TAF2: variants seen among roughly 807,000 people sequenced by gnomAD.
TAF2 encodes the protein transcription initiation factor TFIID subunit 2.
Under a neutral mutation model 138.5 loss-of-function variants are expected in TAF2, and 61 were observed. The observed-to-expected ratio is 0.44, with a 90% CI of 0.36 to 0.54. The LOEUF (loss-of-function observed/expected upper bound fraction) is 0.54, where lower values mean the gene tolerates loss of function less well. Among genes scored for constraint, TAF2 ranks in the 20% least tolerant of loss-of-function variants. The pLI, the probability that TAF2 is intolerant of heterozygous loss-of-function variation, is 0.00. For synonymous variants in TAF2, 475 were observed against 469.9 expected, an observed-to-expected ratio of 1.01 and a Z score of -0.14; for missense variants, 1,090 against 1,427.9, an observed-to-expected ratio of 0.76 and a Z score of 3.81.
At chr8:119,802,541 C>T (rs956515649) in intron 5 of TAF2, among the ~76,000 whole-genome samples, 1 of 152,160 alleles carries the variant, frequency 6.6e-6, no homozygotes, top group African/African-American at 2.4e-5. Flanking sequence ...TAAGGTGTTA[C>T]GTGACAGGGT....
chr8:119,745,876 C>A (rs1356772734), intron 23 of TAF2, among the ~76,000 whole-genome samples: 1 of 151,542 alleles, frequency 6.6e-6, no homozygotes, highest in African/African-American at 2.4e-5. Context: ...ACAGTCTCCT[C>A]CCAAATCAGC....
Position 119,749,566 on chromosome 8 carries a change from G to GA in TAF2, c.2879-2633dup, listed in dbSNP as rs564835820. On this transcript the variant is annotated intron_variant, in intron 22 of 25. Coordinates refer to ENST00000378164, the MANE Select transcript of TAF2 (RefSeq NM_003184.4). ...TCACTTAAGTTGAGAGACAGAATGG[G>GA]AAAAAAACACTTCTAATTAATTGCC... Among the ~76,000 whole-genome samples, 368 of 152,204 alleles carry GA rather than the reference G, an allele frequency of 2.4e-3. 1 individual carries two copies. Among genetic ancestry groups the GA allele is most frequent in the Non-Finnish European group, 4.2e-3 (288 of 67,992 alleles).
intron 18 of TAF2, among the ~76,000 whole-genome samples, chr8:119,766,301 C>T (rs1191140972): frequency 1.3e-5 from 2 of 152,120 alleles, no homozygotes; most frequent in African/African-American, 2.4e-5. Flanking sequence ...AGGGGTGCTA[C>T]AAGCATTTAA....
At chr8:119,797,170 A>AT in intron 7 of TAF2, 67 bp from the exon 8 acceptor site, 1 of 1,136,780 alleles carries the variant, frequency 8.8e-7, no homozygotes, top group African/African-American at 1.6e-5. Flanking sequence ...TGAAAATAAA[A>AT]TAATTCCACT....
At chr8:119,779,338 C>T (rs758003929) in intron 17 of TAF2, among the ~76,000 whole-genome samples, 16 of 151,144 alleles carry the variant, frequency 1.1e-4, no homozygotes, top group Non-Finnish European at 2.1e-4. Context: ...ATATTGAATA[C>T]TACCTATTCT....
intron 6 of TAF2, 94 bp from the exon 7 acceptor site, chr8:119,797,940 C>G (rs1823946618): frequency 8.6e-7 from 1 of 1,168,782 alleles, no homozygotes; most frequent in African/African-American, 1.5e-5. Flanking sequence ...TAAATGTTCT[C>G]ATAAATCTAT....
intron 25 of TAF2, among the ~76,000 whole-genome samples, chr8:119,736,909 A>C (rs761157405): frequency 2.0e-5 from 3 of 152,214 alleles, no homozygotes; most frequent in Non-Finnish European, 2.9e-5. Context: ...AAATTAATAA[A>C]ATACAGACTT....
At chr8:119,829,326 T>C (rs1231493106) in intron 2 of TAF2, among the ~76,000 whole-genome samples, 1 of 152,166 alleles carries the variant, frequency 6.6e-6, no homozygotes, top group Non-Finnish European at 1.5e-5. Flanking sequence ...TTCATTCTTC[T>C]ATTAAAAGAC....
In TAF2 at chr8:119,785,616, C is replaced by T. The variant is rs1163512005; in HGVS notation, c.1794-350G>A. Reference sequence around the variant, plus strand: ...ACTCTTAAACAGAAAAAGGATCAGCCTTGAAATGGGATACGAATAATTCTG... The same window carrying T: ...ACTCTTAAACAGAAAAAGGATCAGCTTTGAAATGGGATACGAATAATTCTG... On this transcript the variant is annotated intron_variant, in intron 14 of 25. Transcript: ENST00000378164. Among the ~76,000 whole-genome samples the T allele has an allele frequency of 3.3e-5, 5 of 152,124 alleles. No homozygotes were observed. In the East Asian group the frequency reaches 9.6e-4, roughly 29 times the overall value.
At chr8:119,734,188 C>T (rs1819067088) in intron 25 of TAF2, among the ~76,000 whole-genome samples, 1 of 152,104 alleles carries the variant, frequency 6.6e-6, no homozygotes, top group Admixed American at 6.6e-5. Flanking sequence ...TGCTTTTTAT[C>T]TGCTTAAAAA....
chr8:119,785,976 C>A (rs939752216), intron 14 of TAF2, among the ~76,000 whole-genome samples: 1 of 152,172 alleles, frequency 6.6e-6, no homozygotes, highest in Non-Finnish European at 1.5e-5. Context: ...AAAGCATTTT[C>A]TCAGAGTAAG....
At chr8:119,750,902 A>G (rs1163424987) in intron 22 of TAF2, among the ~76,000 whole-genome samples, 1 of 152,178 alleles carries the variant, frequency 6.6e-6, no homozygotes, top group African/African-American at 2.4e-5. Flanking sequence ...TTCTTATAGT[A>G]ATATGCCAGA....
Position 119,789,605 on chromosome 8 carries a change from T to C in TAF2, c.1555A>G (p.Ile519Val), listed in dbSNP as rs1263769704. 6.2e-7 allele frequency: 1 copy of C among 1,613,708 alleles called. No individual in the cohort carries two copies. Reference sequence around the variant, plus strand: ...TGAAAAGGATACACCCACTGCTTTATTAACGGCTGAATATCTTTGCCAGAG... The same window carrying C: ...TGAAAAGGATACACCCACTGCTTTACTAACGGCTGAATATCTTTGCCAGAG... The part of the protein sequence containing the change: ...NVSGKDIQPL[I>V]KQWVDQSGVV... Residue 519 changes from isoleucine (I) to valine (V), a missense_variant, in exon 12 of 26, where the codon ATA (isoleucine) becomes GTA (valine). Around this residue, in one of 3 missense-constraint regions of TAF2, gnomAD observed 504 missense variants for 680.9 expected, o/e 0.74. Transcript: ENST00000378164.
chr8:119,769,021 T>C lies in TAF2; in HGVS notation c.2365-6413A>G, dbSNP rs77561341. On this transcript the variant is annotated intron_variant, in intron 18 of 25. Coordinates refer to ENST00000378164, the MANE Select transcript of TAF2 (RefSeq NM_003184.4). ...CTGCCTGTCTAAGACTTGGAGCTAG[T>C]GCAGCCCCCCTGCAGAGACTTCAGT... 7.0e-3 allele frequency among the ~76,000 whole-genome samples: 1,073 copies of C among 152,264 alleles called. 13 individuals are homozygous for C. The highest frequency in any genetic ancestry group is 0.025 in the African/African-American group (1,018 of 41,540).
intron 17 of TAF2, 55 bp downstream of exon 17, chr8:119,780,998 C>T: frequency 6.5e-7 from 1 of 1,548,144 alleles, no homozygotes; most frequent in Non-Finnish European, 8.8e-7. Flanking sequence ...TGAACAGTCT[C>T]CAACTTAAAC....
At chr8:119,827,609 T>A (rs1295187448) in intron 2 of TAF2, among the ~76,000 whole-genome samples, 1 of 152,118 alleles carries the variant, frequency 6.6e-6, no homozygotes, top group African/African-American at 2.4e-5. Flanking sequence ...TTGAGAAACC[T>A]CCCACAGGAT....
chr8:119,792,372 A>G, intron 10 of TAF2, among the ~76,000 whole-genome samples: 1 of 151,960 alleles, frequency 6.6e-6, no homozygotes, highest in East Asian at 1.9e-4. Context: ...GGCTGGTCTC[A>G]AACTCCTGAA....
intron 22 of TAF2, among the ~76,000 whole-genome samples, chr8:119,754,149 T>C (rs1820541376): frequency 6.6e-6 from 1 of 152,194 alleles, no homozygotes; most frequent in Non-Finnish European, 1.5e-5. Flanking sequence ...TTTTATTATA[T>C]TTCACATAAA....
chr8:119,778,910 C>T (rs1380738544), intron 17 of TAF2, among the ~76,000 whole-genome samples: 1 of 152,168 alleles, frequency 6.6e-6, no homozygotes, highest in African/African-American at 2.4e-5. Context: ...GAGATATGGA[C>T]TAGCCCCTCT....
Sources: allele counts gnomAD v4.1 joint callset (sites outside exome capture counted in the v4.1 genomes callset), GRCh38; gene constraint gnomAD v4.1.1; regional missense constraint gnomAD v4.1.1; transcripts MANE v1.5; gene names NCBI Gene and HGNC (gene_info 2026-07-23, HGNC 2026-07-21).